SVEP1: variants seen among roughly 807,000 people sequenced by gnomAD.
SVEP1 encodes the protein sushi, von Willebrand factor type A, EGF and pentraxin domain containing 1, also known as sushi, von Willebrand factor type A, EGF and pentraxin domain-containing protein 1.
Under a neutral mutation model 367.3 loss-of-function variants are expected in SVEP1, and 164 were observed. That is an observed-to-expected ratio of 0.45 (90% CI 0.39 to 0.51). The LOEUF (loss-of-function observed/expected upper bound fraction) is 0.51. Among genes scored for constraint, SVEP1 ranks in the 20% least tolerant of loss-of-function variants. The pLI is 0.00. For missense variants in SVEP1, 4,117 were observed against 4,425.3 expected, an observed-to-expected ratio of 0.93 and a Z score of 1.98; for synonymous variants, 1,666 against 1,611.6, an observed-to-expected ratio of 1.03 and a Z score of -0.81.
chr9:110,377,204 C>G, intron 45 of SVEP1, 67 bp downstream of exon 45: 1 of 1,446,316 alleles, frequency 6.9e-7, no homozygotes, highest in Non-Finnish European at 9.7e-7. Flanking sequence ...TTCCTGGTAA[C>G]TCCCCTCAGG....
intron 1 of SVEP1, among the ~76,000 whole-genome samples, chr9:110,551,207 T>C (rs1830282245): frequency 6.6e-6 from 1 of 152,226 alleles, no homozygotes. Context: ...TTTAAAATGT[T>C]TGATACAATT....
intron 40 of SVEP1, among the ~76,000 whole-genome samples, chr9:110,393,368 A>T (rs897398959): frequency 6.6e-6 from 1 of 152,220 alleles, no homozygotes; most frequent in African/African-American, 2.4e-5. Context: ...ATAATGAGAC[A>T]TGCAAAACAT....
chr9:110,515,913 C>T (rs1221199696), intron 3 of SVEP1, among the ~76,000 whole-genome samples: 1 of 151,810 alleles, frequency 6.6e-6, no homozygotes, highest in East Asian at 1.9e-4. Flanking sequence ...TTATTAATCC[C>T]ATTTGCAGAT....
Position 110,369,904 on chromosome 9 carries a change from TA to T in SVEP1, c.10694+18del. The T allele has an allele frequency of 1.2e-6, 2 of 1,602,982 alleles. No individual in the cohort carries two copies. The highest frequency in any genetic ancestry group is 8.5e-7 in the Non-Finnish European group (1 of 1,172,832). On this transcript the variant is annotated intron_variant, in intron 47 of 47. Coordinates refer to ENST00000374469, the MANE Select transcript of SVEP1 (RefSeq NM_153366.4). ...GAGTCTTCATGTTATAGGCGAACAT[TA>T]GTTTTTGGTTATCTTACCTGGAACA...
chr9:110,411,986 A>G (rs1396077379), intron 36 of SVEP1, among the ~76,000 whole-genome samples: 4 of 151,938 alleles, frequency 2.6e-5, no homozygotes, highest in Non-Finnish European at 4.4e-5. Context: ...AATAATATTG[A>G]CTCTTTGAAT....
chr9:110,498,972 G>T, intron 7 of SVEP1, 69 bp downstream of exon 7: 36 of 1,414,174 alleles, frequency 2.5e-5, no homozygotes, highest in Non-Finnish European at 3.5e-5. Flanking sequence ...AAGAAGGATT[G>T]TCCTATACTG....
intron 5 of SVEP1, 40 bp from the exon 6 acceptor site, chr9:110,503,257 T>C (rs776869677): frequency 8.3e-6 from 13 of 1,567,800 alleles, no homozygotes; most frequent in Non-Finnish European, 8.6e-7. Flanking sequence ...TTTTGCTAAA[T>C]AAGGATAAAA....
intron 27 of SVEP1, among the ~76,000 whole-genome samples, chr9:110,437,873 T>G (rs1246088755): frequency 6.6e-6 from 1 of 152,192 alleles, no homozygotes; most frequent in African/African-American, 2.4e-5. Context: ...CAAAGATCCC[T>G]CCTTCATGAT....
chr9:110,494,483 A>C (rs776200245), intron 8 of SVEP1, among the ~76,000 whole-genome samples: 14 of 152,218 alleles, frequency 9.2e-5, no homozygotes, highest in Non-Finnish European at 1.8e-4. Context: ...GTGACTGTAG[A>C]ATAATGGTTA....
At chr9:110,508,760 C>CAAAAA (rs11316319) in intron 5 of SVEP1, among the ~76,000 whole-genome samples, 61 of 76,414 alleles carry the variant, frequency 8.0e-4, no homozygotes, top group Non-Finnish European at 8.8e-4. Context: ...GACTCCATCT[C>CAAAAA]AAAAAAAAAA....
rs140562045 is a variant in SVEP1, at chr9:110,541,506, A to G, written c.964+4609T>C. Among the ~76,000 whole-genome samples, 138 of 152,288 alleles carry G rather than the reference A, an allele frequency of 9.1e-4. 1 individual carries two copies. In the Middle Eastern group the frequency reaches 0.01, roughly 11 times the overall value. On this transcript the variant is annotated intron_variant, in intron 3 of 47. Coordinates refer to ENST00000374469, the MANE Select transcript of SVEP1 (RefSeq NM_153366.4). ...CAGGATAATACCCCTAGTCTAGCCT[A>G]GAACAGTAGAATTCATAAGATATAC...
chr9:110,445,746 C>T, intron 26 of SVEP1, 91 bp downstream of exon 26: 2 of 1,424,098 alleles, frequency 1.4e-6, no homozygotes, highest in Non-Finnish European at 2.0e-6. Flanking sequence ...ACACCTGACC[C>T]TCTACTTTCC....
intron 46 of SVEP1, among the ~76,000 whole-genome samples, chr9:110,372,829 G>T (rs1039097547): frequency 2.6e-5 from 4 of 152,202 alleles, no homozygotes; most frequent in Non-Finnish European, 5.9e-5. Context: ...CAGCTGTGCT[G>T]AAGCTGGCTT....
intron 36 of SVEP1, among the ~76,000 whole-genome samples, chr9:110,423,136 TA>T (rs367835046): frequency 0.38 from 27,373 of 72,836 alleles, 3,106 homozygotes; most frequent in Middle Eastern, 0.43. Flanking sequence ...ATAATAATAA[TA>T]AAAAAAAAAT....
Position 110,366,431 on chromosome 9 carries a change from C to G in SVEP1, c.*108G>C, listed in dbSNP as rs1827200379. On this transcript the variant is annotated 3_prime_UTR_variant, in exon 48 of 48. Coordinates refer to ENST00000374469, the MANE Select transcript of SVEP1 (RefSeq NM_153366.4). ...AACCCCAAGTAACAAGTTTACTAAA[C>G]AAGACCCAGCACCATGTTGGACTTT... The G allele has an allele frequency of 6.9e-6, 8 of 1,152,160 alleles. No individual in the cohort carries two copies. Among genetic ancestry groups the G allele is most frequent in the Non-Finnish European group, 8.1e-6 (7 of 865,056 alleles). 71.4% of individuals were successfully genotyped at this position (1,152,160 alleles called of 1,614,324 possible).
intron 3 of SVEP1, among the ~76,000 whole-genome samples, chr9:110,523,264 C>T (rs544841668): frequency 5.7e-4 from 87 of 152,256 alleles, no homozygotes; most frequent in African/African-American, 1.9e-3. Flanking sequence ...TCTAACTGTC[C>T]AAATCCTATC....
chr9:110,444,618 T>A (rs1564144579), intron 26 of SVEP1, among the ~76,000 whole-genome samples: 1 of 152,070 alleles, frequency 6.6e-6, no homozygotes, highest in Non-Finnish European at 1.5e-5. Context: ...ACAAAGCTAA[T>A]AAGCAGTTTA....
intron 43 of SVEP1, among the ~76,000 whole-genome samples, chr9:110,382,852 G>C (rs1827458867): frequency 6.6e-6 from 1 of 152,120 alleles, no homozygotes; most frequent in Admixed American, 6.5e-5. Context: ...GGTCCATTCA[G>C]CTATTGATAC....
At chr9:110,541,654 C>T (rs1830145924) in intron 3 of SVEP1, among the ~76,000 whole-genome samples, 1 of 151,774 alleles carries the variant, frequency 6.6e-6, no homozygotes, top group Non-Finnish European at 1.5e-5. Flanking sequence ...AATTGATGTG[C>T]CACATACCAT....
Sources: gnomAD v4.1 joint callset for allele counts (sites outside exome capture counted in the v4.1 genomes callset) on GRCh38, gnomAD v4.1.1 for gene constraint, MANE v1.5 for transcripts, NCBI Gene and HGNC (gene_info 2026-07-23, HGNC 2026-07-21) for gene names.